ZNF407: variants seen among roughly 807,000 people sequenced by gnomAD.
ZNF407 encodes the protein zinc finger protein 407.
Under a neutral mutation model 131.2 loss-of-function variants are expected in ZNF407, and 17 were observed. The ratio of observed to expected loss-of-function variants is 0.13; its 90% confidence interval spans 0.09 to 0.19. The LOEUF (loss-of-function observed/expected upper bound fraction) is 0.19, where lower values mean the gene tolerates loss of function less well. Among genes scored for constraint, ZNF407 ranks in the 10% least tolerant of loss-of-function variants. The pLI, the probability that ZNF407 is intolerant of heterozygous loss-of-function variation, is 1.00. For synonymous variants in ZNF407, 1,156 were observed against 1,062.0 expected (o/e 1.09, Z -1.72); for missense variants, 2,681 against 2,830.6 (o/e 0.95, Z 1.20).
chr18:74,986,425 C>G (rs758862300), intron 8 of ZNF407, among the ~76,000 whole-genome samples: 2 of 152,020 alleles, frequency 1.3e-5, no homozygotes, highest in Non-Finnish European at 2.9e-5. Flanking sequence ...TTTAAATACT[C>G]CAAAGAAGCC....
chr18:74,919,314 A>G (rs1474184892), intron 7 of ZNF407, among the ~76,000 whole-genome samples: 2 of 152,322 alleles, frequency 1.3e-5, no homozygotes, highest in African/African-American at 4.8e-5. Context: ...TACACATGGT[A>G]TAATTGAATA....
rs576437075 is a variant in ZNF407 at position 74,871,027 on chromosome 18, T to C, written c.4878-6170T>C. The stretch of plus-strand genomic sequence containing the variant: ...AAATACTTTAAGTATCTCACAATTA[T>C]GATGCTTATAGATACTGAATTTGTT... On this transcript the variant is annotated intron_variant, in intron 4 of 8. Coordinates refer to ENST00000299687, the MANE Select transcript of ZNF407 (RefSeq NM_017757.3). 2.2e-3 allele frequency among the ~76,000 whole-genome samples: 330 copies of C among 152,330 alleles called. 3 individuals carry two copies. The highest frequency in any genetic ancestry group is 0.01 in the Middle Eastern group (3 of 294).
chr18:74,664,496 A>AAAACAAAC (rs895642148), intron 3 of ZNF407, among the ~76,000 whole-genome samples: 1 of 152,154 alleles, frequency 6.6e-6, no homozygotes, highest in Non-Finnish European at 1.5e-5. Context: ...CTCCGTCTCA[A>AAAACAAAC]AAACAAACAA....
At chr18:74,741,260 A>ACAC (rs1968542104) in intron 3 of ZNF407, among the ~76,000 whole-genome samples, 1 of 152,072 alleles carries the variant, frequency 6.6e-6, no homozygotes. Flanking sequence ...ATACATACAC[A>ACAC]CACTTATGTG....
chr18:74,878,367 T>C (rs932842328), intron 5 of ZNF407, among the ~76,000 whole-genome samples: 1 of 152,074 alleles, frequency 6.6e-6, no homozygotes, highest in Non-Finnish European at 1.5e-5. Context: ...TGTTAGAAAT[T>C]ATAGGTTAAA....
intron 7 of ZNF407, among the ~76,000 whole-genome samples, chr18:74,913,641 G>A (rs1011515780): frequency 6.6e-6 from 1 of 152,318 alleles, no homozygotes; most frequent in East Asian, 1.9e-4. Flanking sequence ...GGGACACAGG[G>A]TACAGTGGAG....
At chr18:74,726,192 C>T (rs1003152540) in intron 3 of ZNF407, among the ~76,000 whole-genome samples, 5 of 152,236 alleles carry the variant, frequency 3.3e-5, no homozygotes, top group African/African-American at 1.2e-4. Context: ...ACTGAAGATT[C>T]GTTGCATCTC....
At chr18:75,005,708 A>ACCCACC (rs1972901681) in intron 8 of ZNF407, among the ~76,000 whole-genome samples, 1 of 36,840 alleles carries the variant, frequency 2.7e-5, no homozygotes, top group South Asian at 1.3e-3. Flanking sequence ...CACCCCCCCC[A>ACCCACC]CCCACCCCCC....
intron 4 of ZNF407, among the ~76,000 whole-genome samples, chr18:74,865,204 AGAG>A (rs1313235531): frequency 1.3e-5 from 2 of 152,316 alleles, no homozygotes; most frequent in African/African-American, 2.4e-5. Flanking sequence ...CAGAGCCAAA[AGAG>A]GAGTTGTCAT....
intron 8 of ZNF407, among the ~76,000 whole-genome samples, chr18:74,997,504 AT>A (rs1972793081): frequency 6.6e-6 from 1 of 152,204 alleles, no homozygotes; most frequent in Non-Finnish European, 1.5e-5. Context: ...AGTAAAAAAA[AT>A]AAATAAAAAG....
chr18:74,950,540 T>A (rs4891038), intron 8 of ZNF407, among the ~76,000 whole-genome samples: 34,405 of 152,132 alleles, frequency 0.23, 5,160 homozygotes, highest in African/African-American at 0.41. Context: ...TTGATGCTGA[T>A]TTCCTCTTAT....
intron 1 of ZNF407, among the ~76,000 whole-genome samples, chr18:74,626,999 T>G (rs895156479): frequency 2.0e-5 from 3 of 152,186 alleles, no homozygotes; most frequent in African/African-American, 7.2e-5. Flanking sequence ...CTCCTTTGTT[T>G]TATCCTCAAC....
intron 4 of ZNF407, among the ~76,000 whole-genome samples, chr18:74,796,581 G>A (rs1453653337): frequency 6.6e-6 from 1 of 152,130 alleles, no homozygotes; most frequent in East Asian, 1.9e-4. Flanking sequence ...CTCCTAATGA[G>A]CCTAAAATTC....
intron 3 of ZNF407, among the ~76,000 whole-genome samples, chr18:74,720,187 T>C (rs1967996614): frequency 6.9e-6 from 1 of 145,606 alleles, no homozygotes. Context: ...TTTTTTTTTT[T>C]GTCTTTTTGA....
chr18:74,641,762 A>G (rs935744532), intron 3 of ZNF407, among the ~76,000 whole-genome samples: 1 of 152,198 alleles, frequency 6.6e-6, no homozygotes, highest in African/African-American at 2.4e-5. Flanking sequence ...CTTAATGCAA[A>G]ACTGATTAAT....
chr18:74,749,543 T>G (rs1968750635), intron 3 of ZNF407, among the ~76,000 whole-genome samples: 1 of 152,188 alleles, frequency 6.6e-6, no homozygotes. Flanking sequence ...ACTGTCTTTG[T>G]TATCTGTTGT....
Position 74,634,631 on chromosome 18 carries a change from A to T in ZNF407, c.3612A>T (p.Gly1204=), listed in dbSNP as rs1350639611. The change falls in exon 2 of 9, where the codon GGA becomes GGT. Residue 1204 remains glycine (G), a synonymous_variant. Coordinates refer to ENST00000299687, the MANE Select transcript of ZNF407 (RefSeq NM_017757.3). ...GCAGATTTCAAAATGAAAATTCAGGAAGCTCTGCCTTAAATTGTGAGACAG... is the reference window on the plus strand; with the variant it reads ...GCAGATTTCAAAATGAAAATTCAGGTAGCTCTGCCTTAAATTGTGAGACAG... The part of the protein sequence containing the change: ...SPSRFQNENS[G]SSALNCETAK... 1.2e-6 allele frequency: 2 copies of T among 1,613,876 alleles called. No homozygotes were observed. Among genetic ancestry groups the T allele is most frequent in the African/African-American group, 2.7e-5 (2 of 74,936 alleles).
chr18:74,952,305 GC>G (rs1972223700), intron 8 of ZNF407, among the ~76,000 whole-genome samples: 1 of 152,164 alleles, frequency 6.6e-6, no homozygotes, highest in African/African-American at 2.4e-5. Context: ...TGTGCTCTAT[GC>G]CATCCCTGAT....
intron 8 of ZNF407, among the ~76,000 whole-genome samples, chr18:75,042,443 A>T (rs552088584): frequency 6.6e-6 from 1 of 152,330 alleles, no homozygotes; most frequent in South Asian, 2.1e-4. Context: ...AAGAGTCATA[A>T]TATTGTATAA....
Sources: allele counts gnomAD v4.1 joint callset (sites outside exome capture counted in the v4.1 genomes callset), GRCh38; gene constraint gnomAD v4.1.1; transcripts MANE v1.5; gene names NCBI Gene and HGNC (gene_info 2026-07-23, HGNC 2026-07-21).